MED13L: variants seen among roughly 807,000 people sequenced by gnomAD.
MED13L encodes mediator complex subunit 13L, also known as mediator of RNA polymerase II transcription subunit 13-like.
In MED13L, 7 loss-of-function variants were observed where a neutral mutation model predicts 220.9. The observed-to-expected ratio is 0.03, with a 90% CI of 0.02 to 0.06. The LOEUF is 0.06. Ranked by LOEUF, MED13L falls within the 10% of genes least tolerant of loss-of-function variation. The probability of loss-of-function intolerance (pLI) is 1.00; values close to 1 mark genes in which losing one functional copy is unlikely to be tolerated. For missense variants in MED13L, 1,965 were observed against 2,760.5 expected (o/e 0.71, Z 6.46); for synonymous variants, 1,011 against 1,015.2 (o/e 1.00, Z 0.08).
intron 2 of MED13L, among the ~76,000 whole-genome samples, chr12:116,144,199 G>C (rs1877301289): frequency 6.6e-6 from 1 of 152,106 alleles, no homozygotes; most frequent in Non-Finnish European, 1.5e-5. Flanking sequence ...CCATTTAAAA[G>C]AATGTTTCAC....
intron 13 of MED13L, 98 bp downstream of exon 13, chr12:116,005,771 C>CA: frequency 6.7e-7 from 1 of 1,485,870 alleles, no homozygotes; most frequent in Non-Finnish European, 9.4e-7. Flanking sequence ...TAAGAGCCCC[C>CA]AAATTCAGGA....
intron 4 of MED13L, among the ~76,000 whole-genome samples, chr12:116,089,795 T>C (rs746685369): frequency 1.3e-5 from 2 of 152,138 alleles, no homozygotes; most frequent in Non-Finnish European, 2.9e-5. Context: ...TGCCATAAAA[T>C]TCCCCCCATG....
At chr12:116,066,804 G>A (rs1319749537) in intron 4 of MED13L, among the ~76,000 whole-genome samples, 8 of 150,410 alleles carry the variant, frequency 5.3e-5, no homozygotes, top group Admixed American at 5.3e-4. Flanking sequence ...AACTCTACCG[G>A]CTACCAACAG....
chr12:116,150,270 A>G (rs866718699), intron 2 of MED13L, among the ~76,000 whole-genome samples: 5 of 152,200 alleles, frequency 3.3e-5, no homozygotes, highest in Non-Finnish European at 7.3e-5. Flanking sequence ...CCAAGTGTCT[A>G]GTTCTCTTGT....
intron 2 of MED13L, among the ~76,000 whole-genome samples, chr12:116,154,190 T>C: frequency 6.6e-6 from 1 of 151,914 alleles, no homozygotes. Flanking sequence ...ATGAAGAAAA[T>C]GAAATGTGGT....
chr12:116,097,912 C>A (rs574567437), intron 3 of MED13L, among the ~76,000 whole-genome samples: 18 of 152,260 alleles, frequency 1.2e-4, no homozygotes, highest in African/African-American at 4.3e-4. Context: ...TGGCCAACTG[C>A]GGATGCCATG....
chr12:116,179,948 CAT>C (rs1362665107), intron 2 of MED13L, among the ~76,000 whole-genome samples: 1 of 152,142 alleles, frequency 6.6e-6, no homozygotes, highest in Non-Finnish European at 1.5e-5. Flanking sequence ...ATTCCAGTGA[CAT>C]ACAAATAACA....
chr12:116,229,464 A>G (rs1440277284), intron 2 of MED13L, among the ~76,000 whole-genome samples: 2 of 152,214 alleles, frequency 1.3e-5, no homozygotes, highest in African/African-American at 4.8e-5. Flanking sequence ...TTTAATTTTC[A>G]TATCATTAGA....
At chr12:116,029,659 T>C (rs949071285) in intron 4 of MED13L, among the ~76,000 whole-genome samples, 1 of 152,008 alleles carries the variant, frequency 6.6e-6, no homozygotes, top group Non-Finnish European at 1.5e-5. Context: ...TCAATAAATA[T>C]ATAAAGAGAA....
chr12:116,194,366 T>C (rs758790404), intron 2 of MED13L, among the ~76,000 whole-genome samples: 1 of 152,080 alleles, frequency 6.6e-6, no homozygotes, highest in Non-Finnish European at 1.5e-5. Flanking sequence ...GGTTTCTCCA[T>C]GTTGGTCAGG....
chr12:116,041,029 TCC>T (rs2137542089), intron 4 of MED13L, among the ~76,000 whole-genome samples: 1 of 152,260 alleles, frequency 6.6e-6, no homozygotes, highest in South Asian at 2.1e-4. Context: ...GAACACGTGC[TCC>T]ATACATCAGA....
chr12:116,212,705 G>C (rs1882772660), intron 2 of MED13L, among the ~76,000 whole-genome samples: 2 of 151,996 alleles, frequency 1.3e-5, no homozygotes, highest in African/African-American at 4.8e-5. Context: ...CACATGTATA[G>C]AAAACAAAAT....
intron 2 of MED13L, among the ~76,000 whole-genome samples, chr12:116,159,908 A>G (rs1431412668): frequency 6.6e-6 from 1 of 150,554 alleles, no homozygotes; most frequent in Non-Finnish European, 1.5e-5. Flanking sequence ...AATAATAAAG[A>G]GCTAACTAAT....
chr12:116,224,540 T>C (rs940453178), intron 2 of MED13L, among the ~76,000 whole-genome samples: 2 of 152,182 alleles, frequency 1.3e-5, no homozygotes, highest in African/African-American at 4.8e-5. Context: ...AATGCAAAAA[T>C]GTTTCCAATT....
At chr12:116,180,108 T>G (rs960612951) in intron 2 of MED13L, among the ~76,000 whole-genome samples, 2 of 152,196 alleles carry the variant, frequency 1.3e-5, no homozygotes, top group African/African-American at 4.8e-5. Flanking sequence ...GATTTCACCT[T>G]TATCACTGTG....
In MED13L at chr12:115,958,965, G is replaced by A. The variant is rs1333241556; in HGVS notation, c.*2301C>T. ...TTTCCCCTTTTTTTGTTCAAACCAT[G>A]GTAAGAGTTCTGATTTCTGCAGAAT... On this transcript the variant is annotated 3_prime_UTR_variant, in exon 31 of 31. Coordinates refer to ENST00000281928, the MANE Select transcript of MED13L (RefSeq NM_015335.5). 1 of 151,752 alleles carries A rather than the reference G, an allele frequency of 6.6e-6. No individual in the cohort carries two copies. The highest frequency in any genetic ancestry group is 1.9e-4 in the East Asian group (1 of 5,158). The allele number at this position is 151,752 out of a possible 1,614,324, so 9.4% of individuals were successfully genotyped here.
chr12:116,059,269 A>G (rs1423498704), intron 4 of MED13L, among the ~76,000 whole-genome samples: 1 of 152,172 alleles, frequency 6.6e-6, no homozygotes, highest in Non-Finnish European at 1.5e-5. Flanking sequence ...TGTGTTGCTC[A>G]GGCTGGTCTT....
At chr12:116,265,484 T>A (rs1872765575) in intron 1 of MED13L, among the ~76,000 whole-genome samples, 2 of 152,330 alleles carry the variant, frequency 1.3e-5, no homozygotes, top group South Asian at 4.1e-4. Flanking sequence ...TCACTTCTCA[T>A]AATAGTTTCT....
chr12:116,120,440 T>TC (rs1874947546), intron 2 of MED13L, among the ~76,000 whole-genome samples: 10 of 98,322 alleles, frequency 1.0e-4, no homozygotes, highest in Non-Finnish European at 1.4e-4. Context: ...TAATCTCTCT[T>TC]TCTCTCTCTC....
Sources: gnomAD v4.1 joint callset for allele counts (sites outside exome capture counted in the v4.1 genomes callset) on GRCh38, gnomAD v4.1.1 for gene constraint, MANE v1.5 for transcripts, NCBI Gene and HGNC (gene_info 2026-07-23, HGNC 2026-07-21) for gene names.